SBF2: variants seen among roughly 807,000 people sequenced by gnomAD.
SBF2 encodes the protein SET binding factor 2.
SBF2 carries 112 observed loss-of-function variants against 225.2 expected under a neutral mutation model. The observed-to-expected ratio is 0.50, with a 90% CI of 0.43 to 0.58. SBF2 has a LOEUF of 0.58. SBF2 is among the 20% of genes least tolerant of loss of function. SBF2 has a pLI of 0.00. For synonymous variants in SBF2, 763 were observed against 773.3 expected (o/e 0.99, Z 0.22); for missense variants, 1,996 against 2,206.2 (o/e 0.90, Z 1.91).
chr11:9,874,036 G>A (rs1859010101), intron 17 of SBF2, among the ~76,000 whole-genome samples: 1 of 143,758 alleles, frequency 7.0e-6, no homozygotes, highest in South Asian at 2.4e-4. Context: ...TCCAGTCTGG[G>A]AGACAAGAGC....
chr11:9,899,129 G>C (rs1454616380), intron 16 of SBF2, among the ~76,000 whole-genome samples: 1 of 151,772 alleles, frequency 6.6e-6, no homozygotes. Context: ...GAAATTATTA[G>C]AGAACAGGTG....
intron 2 of SBF2, among the ~76,000 whole-genome samples, chr11:10,090,811 C>G (rs751292902): frequency 8.5e-6 from 1 of 117,146 alleles, no homozygotes; most frequent in African/African-American, 3.0e-5. Flanking sequence ...TACAACTAAA[C>G]AATCAAAACA....
intron 33 of SBF2, among the ~76,000 whole-genome samples, chr11:9,793,765 G>A (rs1852913642): frequency 6.6e-6 from 1 of 152,178 alleles, no homozygotes; most frequent in South Asian, 2.1e-4. Context: ...GGTTGGGGAT[G>A]TTGCCTGGAC....
At chr11:10,261,846 G>A (rs1196557217) in intron 1 of SBF2, among the ~76,000 whole-genome samples, 1 of 152,140 alleles carries the variant, frequency 6.6e-6, no homozygotes, top group Non-Finnish European at 1.5e-5. Flanking sequence ...AAAACATGCT[G>A]AGTGAAAGAA....
intron 1 of SBF2, among the ~76,000 whole-genome samples, chr11:10,208,460 C>T (rs1957819604): frequency 6.6e-6 from 1 of 152,026 alleles, no homozygotes; most frequent in Non-Finnish European, 1.5e-5. Flanking sequence ...GAACTTGTTA[C>T]AGTTATCATG....
At chr11:9,833,421 ATTTT>A (rs371039800) in intron 26 of SBF2, among the ~76,000 whole-genome samples, 1 of 134,066 alleles carries the variant, frequency 7.5e-6, no homozygotes. Context: ...TTTTTTGGTG[ATTTT>A]TTTTTTTTTT....
intron 32 of SBF2, among the ~76,000 whole-genome samples, chr11:9,802,038 C>A (rs1853521473): frequency 6.6e-6 from 1 of 152,186 alleles, no homozygotes; most frequent in African/African-American, 2.4e-5. Flanking sequence ...TTTGAAATCA[C>A]AGTAAAAAAT....
chr11:10,274,394 G>A (rs1162306201), intron 1 of SBF2, among the ~76,000 whole-genome samples: 1 of 149,082 alleles, frequency 6.7e-6, no homozygotes, highest in African/African-American at 2.4e-5. Flanking sequence ...AAATTACAGG[G>A]TTTTGTTTTA....
intron 1 of SBF2, among the ~76,000 whole-genome samples, chr11:10,205,228 C>G (rs774254519): frequency 1.5e-4 from 23 of 151,884 alleles, no homozygotes; most frequent in Admixed American, 2.6e-4. Context: ...GGTCGCACAA[C>G]TCTTTGAATA....
intron 13 of SBF2, among the ~76,000 whole-genome samples, chr11:9,980,589 A>AT (rs547262918): frequency 0.036 from 5,245 of 145,452 alleles, 104 homozygotes; most frequent in Middle Eastern, 0.1. Flanking sequence ...GAACTTAAGA[A>AT]TTTTTTTTTT....
Position 9,856,632 on chromosome 11 carries a change from G to A in SBF2, c.2189C>T (p.Ser730Leu). 1.2e-6 allele frequency: 2 copies of A among 1,614,158 alleles called. No individual in the cohort carries two copies. The highest frequency in any genetic ancestry group is 8.5e-7 in the Non-Finnish European group (1 of 1,180,026). Residue 730 changes from serine (S) to leucine (L), a missense_variant, in exon 19 of 40, where the codon TCA becomes TTA. Ser to Leu is a moderately radical substitution (Grantham distance 145). Transcript: ENST00000256190. ...ATGTTGCACTAGCTCTTGCTGAGTTGACTTGCTCAGGGTAGGCCAAAGGCG... is the reference window on the plus strand; with the variant it reads ...ATGTTGCACTAGCTCTTGCTGAGTTAACTTGCTCAGGGTAGGCCAAAGGCG... ...QLRLWPTLSKSTQQELVQHEE... is the reference protein window; with the variant it reads ...QLRLWPTLSKLTQQELVQHEE...
chr11:9,945,480 A>G (rs1229016267), intron 16 of SBF2, among the ~76,000 whole-genome samples: 2 of 152,216 alleles, frequency 1.3e-5, no homozygotes, highest in Non-Finnish European at 2.9e-5. Context: ...GTAAGACCTA[A>G]AACTATAAAA....
At chr11:10,192,242 G>T (rs1446179295) in intron 2 of SBF2, among the ~76,000 whole-genome samples, 1 of 152,032 alleles carries the variant, frequency 6.6e-6, no homozygotes, top group Non-Finnish European at 1.5e-5. Context: ...ATTTTCCTTG[G>T]ATCCTCACAT....
intron 16 of SBF2, among the ~76,000 whole-genome samples, chr11:9,936,176 T>C (rs1334034326): frequency 6.6e-6 from 1 of 152,226 alleles, no homozygotes; most frequent in Non-Finnish European, 1.5e-5. Flanking sequence ...AGAAGACGTT[T>C]ATGCAGCCAA....
chr11:9,933,639 C>A (rs1864667556), intron 16 of SBF2, among the ~76,000 whole-genome samples: 1 of 152,178 alleles, frequency 6.6e-6, no homozygotes, highest in South Asian at 2.1e-4. Flanking sequence ...GTATCAGAAT[C>A]TCTGGGGCGC....
rs2133850145 is a variant in SBF2, at chr11:9,785,256, C to A, written c.5100G>T (p.Lys1700Asn). 6.2e-7 allele frequency: 1 copy of A among 1,614,164 alleles called. No homozygotes were observed. Among genetic ancestry groups the A allele is most frequent in the East Asian group, 2.2e-5 (1 of 44,892 alleles). The change falls in exon 37 of 40, where the codon AAG becomes AAT. Residue 1700 changes from lysine (K) to asparagine (N), a missense_variant. Lys to Asn is a moderately conservative substitution (Grantham distance 94). Coordinates refer to ENST00000256190, the MANE Select transcript of SBF2 (RefSeq NM_030962.4). ...TGTCTGGGAGATGTAGCAGAGACCT[C>A]TTCTGATAGGAAGGTAGGTTGGTAG... ...IVSTNLPSYQ[K>N]RSLLHLPDSS...
chr11:9,933,680 A>G (rs550741068), intron 16 of SBF2, among the ~76,000 whole-genome samples: 47 of 152,356 alleles, frequency 3.1e-4, no homozygotes, highest in African/African-American at 1.1e-3. Context: ...GGAAATTTAC[A>G]GCACTAAATG....
At chr11:10,095,794 C>A (rs1473999038) in intron 2 of SBF2, among the ~76,000 whole-genome samples, 3 of 152,160 alleles carry the variant, frequency 2.0e-5, no homozygotes, top group Non-Finnish European at 4.4e-5. Flanking sequence ...TGATTTTAAT[C>A]ACATATTACC....
chr11:10,260,420 C>CA (rs36024423), intron 1 of SBF2, among the ~76,000 whole-genome samples: 30,203 of 151,212 alleles, frequency 0.2, 3,952 homozygotes, highest in Non-Finnish European at 0.3. Flanking sequence ...CCCATCTCTA[C>CA]AAAAAAAATT....
Sources: gnomAD v4.1 joint callset for allele counts (sites outside exome capture counted in the v4.1 genomes callset) on GRCh38, gnomAD v4.1.1 for gene constraint, MANE v1.5 for transcripts, NCBI Gene and HGNC (gene_info 2026-07-23, HGNC 2026-07-21) for gene names.